USP4: variants seen among roughly 807,000 people sequenced by gnomAD.
The protein encoded by USP4 is ubiquitin carboxyl-terminal hydrolase 4.
USP4 carries 72 observed loss-of-function variants against 118.2 expected under a neutral mutation model. That is an observed-to-expected ratio of 0.61 (90% confidence interval 0.50 to 0.74). The LOEUF (loss-of-function observed/expected upper bound fraction) is 0.74, where lower values mean the gene tolerates loss of function less well. USP4 is among the 30% of genes least tolerant of loss of function. USP4 has a pLI of 0.00. For missense variants in USP4, 1,037 were observed against 1,185.7 expected, an observed-to-expected ratio of 0.87 and a Z score of 1.84; for synonymous variants, 415 against 440.4, an observed-to-expected ratio of 0.94 and a Z score of 0.72.
At chr3:49,288,282 CATACTT>C (rs1575602058) in intron 15 of USP4, among the ~76,000 whole-genome samples, 3 of 152,360 alleles carry the variant, frequency 2.0e-5, no homozygotes, top group African/African-American at 4.8e-5. Context: ...GCAGTGCCCT[CATACTT>C]ATAAGAACTC....
At chr3:49,330,402 A>G (rs968018401) in intron 2 of USP4, among the ~76,000 whole-genome samples, 3 of 150,978 alleles carry the variant, frequency 2.0e-5, no homozygotes, top group African/African-American at 4.9e-5. Flanking sequence ...ATCTCGGCTC[A>G]CTGCAAGCTC....
At chr3:49,298,279 T>G (rs2047229434) in intron 12 of USP4, among the ~76,000 whole-genome samples, 1 of 152,156 alleles carries the variant, frequency 6.6e-6, no homozygotes, top group Non-Finnish European at 1.5e-5. Context: ...TATGCCACCC[T>G]CAGTGCACAG....
chr3:49,282,345 A>G (rs984398312), intron 19 of USP4, among the ~76,000 whole-genome samples: 64 of 150,606 alleles, frequency 4.2e-4, no homozygotes, highest in Non-Finnish European at 4.4e-4. Context: ...CGCGATCTTG[A>G]CTCACTGCAA....
chr3:49,320,950 C>T (rs1241420396), intron 6 of USP4, among the ~76,000 whole-genome samples: 2 of 152,144 alleles, frequency 1.3e-5, no homozygotes, highest in Non-Finnish European at 2.9e-5. Flanking sequence ...CTATACAGTA[C>T]ATCCCAGCCT....
intron 9 of USP4, among the ~76,000 whole-genome samples, chr3:49,304,892 T>C (rs1380113751): frequency 1.3e-5 from 2 of 151,460 alleles, no homozygotes; most frequent in African/African-American, 4.9e-5. Context: ...GCATCCTGAG[T>C]AGCTGGAATT....
intron 6 of USP4, chr3:49,317,244 G>C (rs779807632): frequency 1.9e-5 from 30 of 1,541,244 alleles, no homozygotes; most frequent in Non-Finnish European, 2.5e-5. Context: ...TACTGCAAGA[G>C]GCAATCTTGC....
In USP4 at chr3:49,294,554, G is replaced by A. The variant is rs747874124; in HGVS notation, c.1736C>T (p.Thr579Met). 40 of 1,614,026 alleles carry A rather than the reference G, an allele frequency of 2.5e-5. No homozygotes were observed. The highest frequency in any genetic ancestry group is 3.1e-5 in the Non-Finnish European group (36 of 1,180,010). Residue 579 changes from threonine to methionine, a missense_variant, in exon 14 of 22, where the codon ACG (threonine) becomes ATG (methionine). This residue lies in a region of USP4 where 522 missense variants were observed against 592.6 expected (regional missense o/e 0.88). Coordinates refer to ENST00000265560, the MANE Select transcript of USP4 (RefSeq NM_003363.4). ...STSVDGSECV[T>M]LPVYFRERKS... ...CCTCTCCCTGAAGTAGACTGGAAGC[G>A]TGACACATTCCGAGCCATCCACGGA...
chr3:49,291,034 T>A (rs1261124536), intron 15 of USP4, among the ~76,000 whole-genome samples: 2 of 151,812 alleles, frequency 1.3e-5, no homozygotes, highest in African/African-American at 4.8e-5. Flanking sequence ...AGTGGCGTGA[T>A]CTTGGCTCAC....
chr3:49,291,573 C>CA (rs768383989), intron 15 of USP4, among the ~76,000 whole-genome samples: 738 of 46,148 alleles, frequency 0.016, 6 homozygotes, highest in African/African-American at 0.034. Context: ...GATTCCGTCT[C>CA]AAAAAAAAAA....
intron 6 of USP4, chr3:49,318,638 G>A (rs1054951729): frequency 2.0e-6 from 2 of 985,070 alleles, no homozygotes; most frequent in African/African-American, 3.5e-5. Context: ...GCCAGGTGTG[G>A]TGGCTCACGC....
chr3:49,295,034 A>G (rs1258112851), intron 13 of USP4, among the ~76,000 whole-genome samples: 1 of 152,154 alleles, frequency 6.6e-6, no homozygotes, highest in Non-Finnish European at 1.5e-5. Context: ...TCACGCCTGT[A>G]ATCCCAGCAC....
At position 49,277,144 on chromosome 3, in the gene USP4, A is replaced by T. The variant is rs563526444; in HGVS notation, c.*1149T>A. The T allele has an allele frequency of 4.8e-4, 691 of 1,444,396 alleles. 5 individuals are homozygous for T. The Middle Eastern group carries it at 5.4e-3, about 11-fold the overall frequency. The allele number at this position is 1,444,396 out of a possible 1,614,324, so 89.5% of individuals were successfully genotyped here. ...CTCCCAGGCCGCTGGCCCTACCGGCACCCCCCCTTTGGCGAGTCGGCAGCC... is the reference window on the plus strand; with the variant it reads ...CTCCCAGGCCGCTGGCCCTACCGGCTCCCCCCCTTTGGCGAGTCGGCAGCC... On this transcript the variant is annotated 3_prime_UTR_variant, in exon 22 of 22. Coordinates refer to ENST00000265560, the MANE Select transcript of USP4 (RefSeq NM_003363.4).
At chr3:49,317,713 T>G (rs1214899532) in intron 6 of USP4, among the ~76,000 whole-genome samples, 5 of 151,418 alleles carry the variant, frequency 3.3e-5, no homozygotes, top group African/African-American at 9.7e-5. Context: ...GTGGTGTTTT[T>G]TTTTTTTTTT....
At chr3:49,336,165 CTT>C (rs34604530) in intron 1 of USP4, among the ~76,000 whole-genome samples, 1 of 83,016 alleles carries the variant, frequency 1.2e-5, no homozygotes, top group Non-Finnish European at 2.2e-5. Flanking sequence ...CACCTGGCCT[CTT>C]TTTTTTTTTT....
intron 3 of USP4, among the ~76,000 whole-genome samples, chr3:49,326,770 C>T (rs968164784): frequency 6.1e-5 from 9 of 147,704 alleles, no homozygotes; most frequent in Admixed American, 1.4e-4. Context: ...GGGGTGATCT[C>T]GGCTTACTGC....
chr3:49,326,894 G>T (rs1354746394), intron 3 of USP4, among the ~76,000 whole-genome samples: 4 of 144,238 alleles, frequency 2.8e-5, no homozygotes, highest in Admixed American at 1.4e-4. Context: ...CAGAGACGAG[G>T]TTTCACCATG....
chr3:49,312,896 T>TC (rs1380714831), intron 6 of USP4: 1 of 150,526 alleles, frequency 6.6e-6, no homozygotes, highest in African/African-American at 2.4e-5. Context: ...TTTTTTTTTT[T>TC]CTTTTTTTTT....
intron 19 of USP4, among the ~76,000 whole-genome samples, chr3:49,282,603 C>T (rs1375091166): frequency 6.6e-6 from 1 of 151,446 alleles, no homozygotes; most frequent in African/African-American, 2.4e-5. Flanking sequence ...ACAACAAATA[C>T]TTATTATCCA....
intron 11 of USP4, among the ~76,000 whole-genome samples, chr3:49,299,432 G>A (rs1335081972): frequency 2.9e-5 from 4 of 137,008 alleles, no homozygotes; most frequent in Admixed American, 7.6e-5. Context: ...TCGCTCTGTC[G>A]CCCAGGCTGG....
Sources: allele counts gnomAD v4.1 joint callset (sites outside exome capture counted in the v4.1 genomes callset), GRCh38; gene constraint gnomAD v4.1.1; regional missense constraint gnomAD v4.1.1; transcripts MANE v1.5; gene names NCBI Gene and HGNC (gene_info 2026-07-23, HGNC 2026-07-21).